PTPRQ: variants seen among roughly 807,000 people sequenced by gnomAD.
The protein encoded by PTPRQ is protein tyrosine phosphatase receptor type Q, also known as phosphatidylinositol phosphatase PTPRQ.
A neutral mutation model predicts 246.0 loss-of-function variants in PTPRQ; 199 were observed. That is an observed-to-expected ratio of 0.81 (90% CI 0.72 to 0.91). The LOEUF (loss-of-function observed/expected upper bound fraction) is 0.91. Ranked by LOEUF, PTPRQ falls within the 40% of genes least tolerant of loss-of-function variation. The probability of loss-of-function intolerance (pLI) is 0.00; values close to 1 mark genes in which losing one functional copy is unlikely to be tolerated. For missense variants in PTPRQ, 2,624 were observed against 2,528.4 expected (o/e 1.04, Z -0.81); for synonymous variants, 869 against 853.2 (o/e 1.02, Z -0.32).
intron 3 of PTPRQ, among the ~76,000 whole-genome samples, chr12:80,448,015 C>G (rs1421109193): frequency 6.6e-6 from 1 of 152,002 alleles, no homozygotes; most frequent in Non-Finnish European, 1.5e-5. Context: ...TTCTTCCAAT[C>G]CAAGAGCATG....
At chr12:80,615,456 A>G (rs1360172794) in intron 29 of PTPRQ, among the ~76,000 whole-genome samples, 1 of 151,204 alleles carries the variant, frequency 6.6e-6, no homozygotes. Flanking sequence ...GTCTCTGTTT[A>G]ATATAGCAAG....
intron 37 of PTPRQ, among the ~76,000 whole-genome samples, chr12:80,650,295 T>A (rs1900214859): frequency 6.7e-6 from 1 of 148,722 alleles, no homozygotes; most frequent in African/African-American, 2.6e-5. Context: ...TCACTTTAAA[T>A]CTACTTAAAA....
rs2121282373 is a variant in PTPRQ, at chr12:80,669,411, C to T, written c.6400C>T (p.Leu2134=). The change falls in exon 41 of 45, where the codon CTA becomes TTA. Residue 2134 remains leucine (L), a synonymous_variant. Transcript: ENST00000644991. ...TVFGDIVITK[L]MEDVQIDWTI... is the part of the protein sequence containing the mutation. ...CTTTGGAGATATAGTGATTACAAAG[C>T]TAATGGAGGATGTTCAAATAGATTG... 6.5e-7 allele frequency: 1 copy of T among 1,548,312 alleles called. No homozygotes were observed. Among genetic ancestry groups the T allele is most frequent in the South Asian group, 1.2e-5 (1 of 83,814 alleles).
intron 23 of PTPRQ, among the ~76,000 whole-genome samples, chr12:80,543,397 A>G (rs1896213075): frequency 6.6e-6 from 1 of 151,654 alleles, no homozygotes; most frequent in African/African-American, 2.4e-5. Context: ...TCCCTCCTCC[A>G]TTTTTGGAAT....
At chr12:80,476,074 C>T (rs1420044311) in intron 8 of PTPRQ, among the ~76,000 whole-genome samples, 2 of 150,774 alleles carry the variant, frequency 1.3e-5, no homozygotes, top group African/African-American at 4.9e-5. Context: ...TGAGATTCTA[C>T]ATCAGTTCAA....
In PTPRQ at chr12:80,613,784, T is replaced by G; in HGVS notation, c.5111T>G (p.Phe1704Cys). ...AGTATTATACAGAAAACCAACACATTCGTCATTGCAATGCTAGAAGGACTA... is the reference window on the plus strand; with the variant it reads ...AGTATTATACAGAAAACCAACACATGCGTCATTGCAATGCTAGAAGGACTA... Reference protein sequence around the residue: ...NLSIIQKTNTFVIAMLEGLKG... With the variant: ...NLSIIQKTNTCVIAMLEGLKG... Residue 1704 changes from phenylalanine to cysteine, a missense_variant, in exon 29 of 45, where the codon TTC (phenylalanine) becomes TGC (cysteine). Phe to Cys is a radical substitution (Grantham distance 205, BLOSUM62 -2). Transcript: ENST00000644991. 2 of 1,542,264 alleles carry G rather than the reference T, an allele frequency of 1.3e-6. No homozygotes were observed. Among genetic ancestry groups the G allele is most frequent in the South Asian group, 1.2e-5 (1 of 82,920 alleles).
intron 8 of PTPRQ, 98 bp from the exon 9 acceptor site, chr12:80,484,335 A>G (rs1894196839): frequency 1.5e-6 from 2 of 1,349,950 alleles, no homozygotes; most frequent in African/African-American, 1.5e-5. Flanking sequence ...AATTGTTTAT[A>G]TATCTTAAAT....
Position 80,460,652 on chromosome 12 carries a change from G to T in PTPRQ, c.661-1G>T, listed in dbSNP as rs1400242613. 1.3e-5 allele frequency: 5 copies of T among 398,376 alleles called. No homozygotes were observed. The highest frequency in any genetic ancestry group is 4.4e-6 in the Non-Finnish European group (1 of 226,012). 24.7% of individuals were successfully genotyped at this position (398,376 alleles called of 1,614,324 possible). ...TCTATTGATCTTATTTTATTTACTA[G>T]GAGAATAGTGAATCTTTTTTATGGA... On this transcript the variant is annotated splice_acceptor_variant, in intron 5 of 44. Transcript: ENST00000644991. LOFTEE classifies it high-confidence loss of function.
At chr12:80,494,890 C>G in intron 10 of PTPRQ, 43 bp from the exon 11 acceptor site, 1 of 1,492,220 alleles carries the variant, frequency 6.7e-7, no homozygotes, top group Non-Finnish European at 8.9e-7. Flanking sequence ...GATTGTGAAG[C>G]CAAACACCTT....
At chr12:80,637,708 T>A (rs1899708489) in intron 35 of PTPRQ, among the ~76,000 whole-genome samples, 1 of 152,214 alleles carries the variant, frequency 6.6e-6, no homozygotes, top group Non-Finnish European at 1.5e-5. Flanking sequence ...CACTAAAACA[T>A]TAGACAATAA....
chr12:80,453,413 C>G (rs901252291), intron 3 of PTPRQ, among the ~76,000 whole-genome samples: 31 of 152,176 alleles, frequency 2.0e-4, no homozygotes, highest in East Asian at 9.6e-4. Context: ...TGGTGAGGAA[C>G]TGCGTTCCTT....
At chr12:80,465,325 T>A (rs1458212949) in intron 6 of PTPRQ, 3 of 152,304 alleles carry the variant, frequency 2.0e-5, no homozygotes, top group Non-Finnish European at 4.4e-5. Flanking sequence ...ACTCTCTGAA[T>A]AGACCACTAA....
chr12:80,668,116 T>C (rs1900845075), intron 39 of PTPRQ, among the ~76,000 whole-genome samples: 3 of 151,998 alleles, frequency 2.0e-5, no homozygotes, highest in African/African-American at 7.2e-5. Flanking sequence ...TGTTACCTTT[T>C]ATTCCATATT....
chr12:80,484,297 G>A (rs1174191319), intron 8 of PTPRQ, 136 bp from the exon 9 acceptor site: 31 of 1,110,752 alleles, frequency 2.8e-5, no homozygotes, highest in Non-Finnish European at 3.6e-5. Flanking sequence ...ATGAGCCACC[G>A]CACCTAGCCT....
chr12:80,665,625 T>G (rs1412926043), intron 39 of PTPRQ, among the ~76,000 whole-genome samples: 2 of 151,930 alleles, frequency 1.3e-5, no homozygotes, highest in Non-Finnish European at 2.9e-5. Context: ...GTAAAAATCA[T>G]ATGCACACAA....
intron 17 of PTPRQ, among the ~76,000 whole-genome samples, chr12:80,522,420 A>G (rs896989116): frequency 9.2e-5 from 14 of 152,094 alleles, no homozygotes; most frequent in African/African-American, 2.2e-4. Flanking sequence ...GTGGTGAGAG[A>G]GGGCATCCCT....
At chr12:80,630,323 G>A (rs1464809819) in intron 33 of PTPRQ, among the ~76,000 whole-genome samples, 4 of 151,676 alleles carry the variant, frequency 2.6e-5, no homozygotes, top group Admixed American at 2.6e-4. Context: ...TCTGTCTGGT[G>A]GTTTTCTCTT....
chr12:80,678,388 G>GA (rs1292559825), intron 43 of PTPRQ, among the ~76,000 whole-genome samples: 1 of 152,006 alleles, frequency 6.6e-6, no homozygotes, highest in Admixed American at 6.6e-5. Context: ...ACAAGTGTTA[G>GA]AAAAAAACTT....
chr12:80,472,176 G>A lies in PTPRQ; in HGVS notation c.1111G>A (p.Asp371Asn), dbSNP rs1426282706. Residue 371 changes from aspartate to asparagine, a missense_variant, in exon 8 of 45, where the codon GAT becomes AAT. By Grantham distance (23) the Asp-to-Asn change is conservative. Transcript: ENST00000644991. Reference protein sequence around the residue: ...FTNLTPFTMYDVYIAAETSAG... With the variant: ...FTNLTPFTMYNVYIAAETSAG... The stretch of plus-strand genomic sequence containing the variant: ...TAACCTAACACCATTTACAATGTAT[G>A]ATGTCTATATTGCGGCTGAAACCAG... The A allele has an allele frequency of 3.2e-6, 5 of 1,551,604 alleles. No individual in the cohort carries two copies. In the South Asian group the frequency reaches 5.9e-5, roughly 18 times the overall value.
Sources: gnomAD v4.1 joint callset for allele counts (sites outside exome capture counted in the v4.1 genomes callset) on GRCh38, gnomAD v4.1.1 for gene constraint, MANE v1.5 for transcripts, NCBI Gene and HGNC (gene_info 2026-07-23, HGNC 2026-07-21) for gene names.